Variants in SYN3 observed in about 807,000 individuals in gnomAD.
The protein encoded by SYN3 is synapsin-3.
SYN3 carries 35 observed loss-of-function variants against 65.8 expected under a neutral mutation model. The observed-to-expected ratio is 0.53, with a 90% CI of 0.41 to 0.70. The LOEUF (loss-of-function observed/expected upper bound fraction) is 0.70, where lower values mean the gene tolerates loss of function less well. Among genes scored for constraint, SYN3 ranks in the 30% least tolerant of loss-of-function variants. The probability of loss-of-function intolerance (pLI) is 0.00; values close to 1 mark genes in which losing one functional copy is unlikely to be tolerated. For synonymous variants in SYN3, 270 were observed against 292.9 expected (o/e 0.92, Z 0.80); for missense variants, 680 against 749.0 (o/e 0.91, Z 1.08).
intron 6 of SYN3, among the ~76,000 whole-genome samples, chr22:32,613,043 C>T (rs2059467484): frequency 6.6e-6 from 1 of 151,958 alleles, no homozygotes; most frequent in African/African-American, 2.4e-5. Context: ...GTGGCACTTC[C>T]TCTTCTCTCT....
intron 4 of SYN3, among the ~76,000 whole-genome samples, chr22:32,912,932 T>C (rs2050090500): frequency 6.6e-6 from 1 of 152,104 alleles, no homozygotes; most frequent in African/African-American, 2.4e-5. Flanking sequence ...TGTCACACAT[T>C]TGCCAAAGCC....
At chr22:33,028,336 C>G (rs969275596) in intron 1 of SYN3, among the ~76,000 whole-genome samples, 3 of 152,354 alleles carry the variant, frequency 2.0e-5, no homozygotes, top group East Asian at 3.9e-4. Flanking sequence ...TCCTCAGCGC[C>G]TAGCCCCGAA....
intron 10 of SYN3, among the ~76,000 whole-genome samples, chr22:32,531,023 G>T (rs1032378781): frequency 2.0e-5 from 3 of 151,600 alleles, no homozygotes; most frequent in African/African-American, 7.3e-5. Flanking sequence ...CCCCATAGAA[G>T]CACTTTGAGA....
chr22:32,573,157 C>T (rs942895906), intron 7 of SYN3, among the ~76,000 whole-genome samples: 1 of 152,208 alleles, frequency 6.6e-6, no homozygotes, highest in African/African-American at 2.4e-5. Context: ...TTTGCCAGCA[C>T]ACCACTGGCT....
chr22:32,904,223 T>G (rs2049840753), intron 4 of SYN3, among the ~76,000 whole-genome samples: 1 of 152,160 alleles, frequency 6.6e-6, no homozygotes. Context: ...TGTGGTTGAG[T>G]GTGGGCATGT....
At chr22:32,808,023 C>T (rs1437745782) in intron 6 of SYN3, among the ~76,000 whole-genome samples, 2 of 151,922 alleles carry the variant, frequency 1.3e-5, no homozygotes, top group African/African-American at 4.8e-5. Flanking sequence ...ATTAGGGCCA[C>T]GAAGATCAAG....
chr22:32,564,820 C>G (rs556015849), intron 7 of SYN3, among the ~76,000 whole-genome samples: 1 of 148,964 alleles, frequency 6.7e-6, no homozygotes, highest in Admixed American at 6.7e-5. Flanking sequence ...CGCATTGTAC[C>G]CAAACAGTGC....
chr22:33,032,955 C>T (rs150871787), intron 1 of SYN3, among the ~76,000 whole-genome samples: 4 of 152,108 alleles, frequency 2.6e-5, no homozygotes, highest in Non-Finnish European at 5.9e-5. Context: ...CTCAGGCACA[C>T]GTTCTCAGGG....
At chr22:32,885,815 C>T (rs1303285248) in intron 4 of SYN3, among the ~76,000 whole-genome samples, 1 of 152,172 alleles carries the variant, frequency 6.6e-6, no homozygotes, top group Non-Finnish European at 1.5e-5. Context: ...CCCACCTCTG[C>T]CTCCCAAAGT....
chr22:33,000,245 G>A (rs984533699), intron 2 of SYN3, among the ~76,000 whole-genome samples: 16 of 152,106 alleles, frequency 1.1e-4, no homozygotes, highest in South Asian at 8.3e-4. Flanking sequence ...CATCCCAGAG[G>A]AGAGCATCAC....
At chr22:32,940,964 T>A (rs1453714331) in intron 3 of SYN3, among the ~76,000 whole-genome samples, 3 of 152,210 alleles carry the variant, frequency 2.0e-5, no homozygotes, top group African/African-American at 7.2e-5. Flanking sequence ...AAAGGCTCTG[T>A]CCTGAATAAA....
chr22:32,545,434 G>C (rs2058322567), intron 7 of SYN3, among the ~76,000 whole-genome samples: 1 of 152,242 alleles, frequency 6.6e-6, no homozygotes, highest in African/African-American at 2.4e-5. Context: ...AGACATAGTG[G>C]TTTAATGCAG....
intron 4 of SYN3, among the ~76,000 whole-genome samples, chr22:32,889,802 A>G (rs2049392646): frequency 6.6e-6 from 1 of 152,100 alleles, no homozygotes. Flanking sequence ...TTCTGGGGAA[A>G]ATGCCTTTAT....
At chr22:32,923,754 G>A (rs557412490) in intron 4 of SYN3, among the ~76,000 whole-genome samples, 23 of 152,264 alleles carry the variant, frequency 1.5e-4, no homozygotes, top group African/African-American at 5.5e-4. Flanking sequence ...GTAAACTTGT[G>A]TCATAGGGGT....
intron 6 of SYN3, among the ~76,000 whole-genome samples, chr22:32,713,501 T>C (rs986890484): frequency 3.3e-5 from 5 of 152,224 alleles, no homozygotes; most frequent in Admixed American, 2.6e-4. Context: ...CTTGGTGGCC[T>C]GTGCCTCCAT....
chr22:32,983,384 C>T (rs2052426888), intron 2 of SYN3, among the ~76,000 whole-genome samples: 1 of 152,072 alleles, frequency 6.6e-6, no homozygotes, highest in Non-Finnish European at 1.5e-5. Flanking sequence ...TTTCAGCCTT[C>T]CATTTGTGAA....
chr22:33,047,015 C>T (rs5998708), intron 1 of SYN3, among the ~76,000 whole-genome samples: 2,717 of 152,100 alleles, frequency 0.018, 90 homozygotes, highest in African/African-American at 0.062. Context: ...CTCTTTTCTA[C>T]AGGTATTTCC....
intron 7 of SYN3, among the ~76,000 whole-genome samples, chr22:32,592,619 A>C: frequency 6.6e-6 from 1 of 152,068 alleles, no homozygotes; most frequent in Non-Finnish European, 1.5e-5. Flanking sequence ...TTACTAGTTG[A>C]ATTTTCTCCT....
chr22:32,901,587 C>A (rs968673586), intron 4 of SYN3, among the ~76,000 whole-genome samples: 2 of 152,214 alleles, frequency 1.3e-5, no homozygotes, highest in East Asian at 3.8e-4. Context: ...ATTTAGCTTT[C>A]TATTTATCAA....
Sources: allele counts gnomAD v4.1 joint callset (sites outside exome capture counted in the v4.1 genomes callset), GRCh38; gene constraint gnomAD v4.1.1; transcripts MANE v1.5; gene names NCBI Gene and HGNC (gene_info 2026-07-23, HGNC 2026-07-21).